Variants in SNTG1 observed in about 807,000 individuals in gnomAD.
SNTG1 encodes the protein syntrophin gamma 1, also known as gamma-1-syntrophin.
Under a neutral mutation model 74.7 loss-of-function variants are expected in SNTG1, and 39 were observed. That is an observed-to-expected ratio of 0.52 (90% CI 0.40 to 0.68). SNTG1 has a LOEUF of 0.68. SNTG1 is among the 30% of genes least tolerant of loss of function. SNTG1 has a pLI of 0.00. For missense variants in SNTG1, 685 were observed against 609.5 expected (o/e 1.12, Z -1.30); for synonymous variants, 254 against 217.1 (o/e 1.17, Z -1.49).
chr8:50,343,877 C>A (rs1445797417), intron 2 of SNTG1, among the ~76,000 whole-genome samples: 7 of 152,220 alleles, frequency 4.6e-5, no homozygotes, highest in African/African-American at 1.7e-4. Context: ...AGTTAAAATA[C>A]AGGCCTTAAT....
intron 13 of SNTG1, among the ~76,000 whole-genome samples, chr8:50,613,104 T>A (rs1350666862): frequency 1.3e-5 from 2 of 152,150 alleles, no homozygotes; most frequent in African/African-American, 4.8e-5. Context: ...AAGAGCAATA[T>A]TAGAATTCAA....
chr8:50,256,729 G>A (rs933180463), intron 2 of SNTG1, among the ~76,000 whole-genome samples: 2 of 151,950 alleles, frequency 1.3e-5, no homozygotes, highest in Admixed American at 6.6e-5. Context: ...AGAAATCAAT[G>A]GACAGACCCA....
rs142257460 is a variant in SNTG1, at chr8:50,700,449, C to T, written c.1039-4151C>T. ...TCACTAAATTTCTGATAAAGGAACC[C>T]CTGCTTTTTCCAAAGTTTCTCCTCC... On this transcript the variant is annotated intron_variant, in intron 15 of 18. Coordinates refer to ENST00000642720, the MANE Select transcript of SNTG1 (RefSeq NM_018967.5). Among the ~76,000 whole-genome samples, 245 of 152,112 alleles carry T rather than the reference C, an allele frequency of 1.6e-3. 1 individual carries two copies. Among genetic ancestry groups the T allele is most frequent in the African/African-American group, 5.3e-3 (220 of 41,502 alleles).
intron 1 of SNTG1, among the ~76,000 whole-genome samples, chr8:49,951,416 G>T (rs1715355472): frequency 6.6e-6 from 1 of 152,152 alleles, no homozygotes; most frequent in South Asian, 2.1e-4. Flanking sequence ...GAGACACAGA[G>T]AATGTAGACA....
At chr8:50,509,349 T>C (rs2094042468) in intron 9 of SNTG1, among the ~76,000 whole-genome samples, 1 of 152,224 alleles carries the variant, frequency 6.6e-6, no homozygotes. Flanking sequence ...TCAGGTAGCG[T>C]GATGCCTCCA....
chr8:50,086,627 G>T (rs1027898577), intron 1 of SNTG1, among the ~76,000 whole-genome samples: 1 of 152,048 alleles, frequency 6.6e-6, no homozygotes, highest in East Asian at 1.9e-4. Context: ...TGTTTGAAGG[G>T]CCTGAGGCAT....
rs558747817 is a variant in SNTG1 at position 49,946,291 on chromosome 8, G to A, written c.-103+34060G>A. On this transcript the variant is annotated intron_variant, in intron 1 of 18. Coordinates refer to ENST00000642720, the MANE Select transcript of SNTG1 (RefSeq NM_018967.5). ...CATACTCTTAAGCATATAAAAGTCC[G>A]TTACTATAACTGGATAAAATATTGT... is the stretch of plus-strand genomic sequence containing the variant. 3.3e-5 allele frequency among the ~76,000 whole-genome samples: 5 copies of A among 152,188 alleles called. No homozygotes were observed. The East Asian group carries it at 5.8e-4, about 18-fold the overall frequency.
At chr8:50,699,413 A>G (rs2095416060) in intron 15 of SNTG1, among the ~76,000 whole-genome samples, 2 of 152,184 alleles carry the variant, frequency 1.3e-5, no homozygotes, top group Admixed American at 1.3e-4. Context: ...CCAATATTTG[A>G]TTTTGCTTTC....
chr8:50,149,631 C>A (rs1323968668), intron 1 of SNTG1, among the ~76,000 whole-genome samples: 2 of 152,156 alleles, frequency 1.3e-5, no homozygotes, highest in African/African-American at 4.8e-5. Context: ...TTTCCCAGCA[C>A]CATTTGTTAA....
At chr8:50,435,383 T>C (rs1481743297) in intron 4 of SNTG1, among the ~76,000 whole-genome samples, 6 of 152,186 alleles carry the variant, frequency 3.9e-5, no homozygotes, top group Non-Finnish European at 5.9e-5. Context: ...ACGACACTCA[T>C]GATGTGTTAA....
At chr8:50,186,770 G>T (rs981195178) in intron 2 of SNTG1, among the ~76,000 whole-genome samples, 1 of 151,970 alleles carries the variant, frequency 6.6e-6, no homozygotes, top group African/African-American at 2.4e-5. Context: ...TAAGTTCCTT[G>T]TAGATTGTGG....
chr8:50,293,137 C>G (rs539438072), intron 2 of SNTG1, among the ~76,000 whole-genome samples: 42 of 150,578 alleles, frequency 2.8e-4, no homozygotes, highest in African/African-American at 9.5e-4. Context: ...TGTCTTGTCA[C>G]GTGATTGTCT....
rs182116350 is a variant in SNTG1 at position 50,332,388 on chromosome 8, C to T, written c.-27-61824C>T. On this transcript the variant is annotated intron_variant, in intron 2 of 18. Coordinates refer to ENST00000642720, the MANE Select transcript of SNTG1 (RefSeq NM_018967.5). The stretch of plus-strand genomic sequence containing the variant: ...TGTGCCCTCGTGTACATCCATGGCC[C>T]CCACCAGGCAAGAAAACAGAGTCCC... Among the ~76,000 whole-genome samples the T allele has an allele frequency of 4.5e-3, 677 of 151,802 alleles. 8 individuals are homozygous for T. The highest frequency in any genetic ancestry group is 0.021 in the South Asian group (100 of 4,782).
intron 1 of SNTG1, among the ~76,000 whole-genome samples, chr8:49,938,643 C>CTTTCTTTCTTTG (rs1563371305): frequency 3.4e-4 from 36 of 106,330 alleles, no homozygotes; most frequent in African/African-American, 1.2e-3. Context: ...TTCTTTCTTT[C>CTTTCTTTCTTTG]CTTCCTCTCT....
At chr8:49,962,818 C>T (rs989794972) in intron 1 of SNTG1, among the ~76,000 whole-genome samples, 1 of 152,220 alleles carries the variant, frequency 6.6e-6, no homozygotes, top group Non-Finnish European at 1.5e-5. Flanking sequence ...GTCTTGAACT[C>T]TTGACCTCAA....
At chr8:50,266,684 G>GTGTGTGTGTA (rs371676511) in intron 2 of SNTG1, among the ~76,000 whole-genome samples, 75 of 136,802 alleles carry the variant, frequency 5.5e-4, no homozygotes, top group African/African-American at 1.8e-3. Context: ...GTGTGTGTGT[G>GTGTGTGTGTA]TATATATATA....
chr8:50,642,512 T>C (rs550205182), intron 13 of SNTG1, among the ~76,000 whole-genome samples: 1 of 152,218 alleles, frequency 6.6e-6, no homozygotes, highest in East Asian at 1.9e-4. Context: ...ACTACTCTCT[T>C]CAAACAATTT....
In SNTG1 at chr8:50,350,080, C is replaced by T. The variant is rs1004907458; in HGVS notation, c.-27-44132C>T. On this transcript the variant is annotated intron_variant, in intron 2 of 18. Transcript: ENST00000642720. ...CCCTGGCCAGCGGCTGCAGAGGGTGCATTGGGTCCCCCAGCAGCGCCGGCT... is the reference window on the plus strand; with the variant it reads ...CCCTGGCCAGCGGCTGCAGAGGGTGTATTGGGTCCCCCAGCAGCGCCGGCT... Among the ~76,000 whole-genome samples the T allele has an allele frequency of 2.6e-5, 4 of 152,180 alleles. No homozygotes were observed. In the East Asian group the frequency reaches 7.7e-4, roughly 29 times the overall value.
At chr8:50,598,482 C>A (rs971942598) in intron 13 of SNTG1, among the ~76,000 whole-genome samples, 18 of 151,788 alleles carry the variant, frequency 1.2e-4, no homozygotes, top group African/African-American at 3.9e-4. Flanking sequence ...TTTACTATAT[C>A]TTTGTAGTAT....
Sources: gnomAD v4.1 joint callset for allele counts (sites outside exome capture counted in the v4.1 genomes callset) on GRCh38, gnomAD v4.1.1 for gene constraint, MANE v1.5 for transcripts, NCBI Gene and HGNC (gene_info 2026-07-23, HGNC 2026-07-21) for gene names.